PITPNM2: variants seen among roughly 807,000 people sequenced by gnomAD.
The protein encoded by PITPNM2 is membrane-associated phosphatidylinositol transfer protein 2.
A neutral mutation model predicts 132.2 loss-of-function variants in PITPNM2; 35 were observed. The ratio of observed to expected loss-of-function variants is 0.26; its 90% CI spans 0.20 to 0.35. The LOEUF (loss-of-function observed/expected upper bound fraction) is 0.35. PITPNM2 is among the 10% of genes least tolerant of loss of function. PITPNM2 has a pLI of 1.00. For synonymous variants in PITPNM2, 738 were observed against 799.2 expected, an observed-to-expected ratio of 0.92 and a Z score of 1.29; for missense variants, 1,332 against 1,912.0, an observed-to-expected ratio of 0.70 and a Z score of 5.66.
intron 1 of PITPNM2, among the ~76,000 whole-genome samples, chr12:123,114,255 CAAGT>C (rs1233003027): frequency 1.3e-5 from 2 of 151,940 alleles, no homozygotes; most frequent in South Asian, 2.1e-4. Context: ...TAATTTAAGA[CAAGT>C]AATGCATCTG....
At chr12:123,021,029 CAAAAAAAAAAAA>C (rs910751492) in intron 3 of PITPNM2, among the ~76,000 whole-genome samples, 50 of 25,308 alleles carry the variant, frequency 2.0e-3, no homozygotes, top group African/African-American at 3.9e-3. Context: ...AATTCCATCT[CAAAAAAAAAAAA>C]AAAAAAAAAA....
rs1314303054 is a variant in PITPNM2 at position 122,995,572 on chromosome 12, C to T, written c.1871G>A (p.Ser624Asn). The change falls in exon 14 of 26, where the codon AGT becomes AAT. Residue 624 changes from serine (S) to asparagine (N), a missense_variant. By Grantham distance (46) the Ser-to-Asn change is conservative. Coordinates refer to ENST00000320201, the MANE Select transcript of PITPNM2 (RefSeq NM_020845.3). ...GGGGGGGGGS[S>N]GGGGSSGGSS... ...GCCACCACTACTGCCACCACCACCACTGCTGCCACCACCGCCACCGCCGCC... is the reference window on the plus strand; with the variant it reads ...GCCACCACTACTGCCACCACCACCATTGCTGCCACCACCGCCACCGCCGCC... 2 of 1,607,304 alleles carry T rather than the reference C, an allele frequency of 1.2e-6. No homozygotes were observed. The highest frequency in any genetic ancestry group is 2.2e-5 in the South Asian group (2 of 91,054).
At chr12:123,003,594 G>T (rs1260557878) in intron 8 of PITPNM2, among the ~76,000 whole-genome samples, 1 of 152,218 alleles carries the variant, frequency 6.6e-6, no homozygotes, top group African/African-American at 2.4e-5. Context: ...AGGGCAGCTG[G>T]CCAGTTAACC....
chr12:123,085,238 G>A (rs1463743921), intron 2 of PITPNM2, among the ~76,000 whole-genome samples: 1 of 152,218 alleles, frequency 6.6e-6, no homozygotes, highest in African/African-American at 2.4e-5. Context: ...CGCCATCTGC[G>A]TGACCCAGAT....
chr12:123,151,159 A>AGCG (rs1048978238), upstream of PITPNM2, among the ~76,000 whole-genome samples: 672 of 143,386 alleles, frequency 4.7e-3, 1 homozygote, highest in Non-Finnish European at 6.2e-3. Flanking sequence ...CGCGCGGGGG[A>AGCG]GCGGCGGCGG....
chr12:123,050,974 G>T (rs1455601150), intron 2 of PITPNM2, among the ~76,000 whole-genome samples: 2 of 152,182 alleles, frequency 1.3e-5, no homozygotes, highest in Non-Finnish European at 2.9e-5. Flanking sequence ...GCTGCATTCA[G>T]TTGCACAGGC....
intron 11 of PITPNM2, 81 bp from the exon 12 acceptor site, chr12:122,996,991 GC>G (rs1273064470): frequency 2.7e-4 from 357 of 1,322,644 alleles, no homozygotes; most frequent in Non-Finnish European, 6.6e-5. Flanking sequence ...CTGAGTCTCA[GC>G]CATGGACTCA....
In PITPNM2 at chr12:123,095,992, G is replaced by T. The variant is rs528045609; in HGVS notation, c.-96+14393C>A. 4.6e-5 allele frequency among the ~76,000 whole-genome samples: 7 copies of T among 152,346 alleles called. No homozygotes were observed. The East Asian group carries it at 1.3e-3, about 29-fold the overall frequency. ...GATGGCCTGAGAGCTCCTTGAGAGT[G>T]GGGGCTGGAATTGATTCACTTCTGC... On this transcript the variant is annotated intron_variant, in intron 2 of 25. Transcript: ENST00000320201. This position sits in a 1 kb window ranked among gnomAD's most constrained non-coding sequence, Gnocchi z 5.0.
At chr12:123,087,503 C>A (rs981821036) in intron 2 of PITPNM2, 1 of 152,174 alleles carries the variant, frequency 6.6e-6, no homozygotes, top group African/African-American at 2.4e-5. Context: ...TCCCAAAGTG[C>A]TGGGATTATA....
intron 11 of PITPNM2, 33 bp downstream of exon 11, chr12:122,997,292 C>T (rs369378979): frequency 1.2e-5 from 19 of 1,610,518 alleles, no homozygotes; most frequent in South Asian, 4.4e-5. Flanking sequence ...AGTGCACTGC[C>T]GGAGGCTGCA....
At chr12:123,130,518 C>T (rs1457422950) in intron 1 of PITPNM2, among the ~76,000 whole-genome samples, 2 of 152,098 alleles carry the variant, frequency 1.3e-5, no homozygotes, top group African/African-American at 2.4e-5. Flanking sequence ...CCGGCAATCA[C>T]GCCTGTAATC....
At chr12:123,079,543 C>T (rs1004751779) in intron 2 of PITPNM2, among the ~76,000 whole-genome samples, 5 of 151,740 alleles carry the variant, frequency 3.3e-5, no homozygotes, top group Non-Finnish European at 7.4e-5. Flanking sequence ...GACAAGGTTT[C>T]GCCATGTTGG....
chr12:123,144,526 G>A (rs2043572586), intron 1 of PITPNM2, among the ~76,000 whole-genome samples: 1 of 152,174 alleles, frequency 6.6e-6, no homozygotes, highest in Admixed American at 6.5e-5. Context: ...CCACCTCCTG[G>A]GTTCAAGCAA....
In PITPNM2 at chr12:123,005,837, C is replaced by A. The variant is rs2038904353; in HGVS notation, c.644-289G>T. ...AGTTGGAAGGGCGCAGTGGCTCATG[C>A]CTGTAATCCCAACACTTTGGGAGGA... On this transcript the variant is annotated intron_variant, in intron 6 of 25. Coordinates refer to ENST00000320201, the MANE Select transcript of PITPNM2 (RefSeq NM_020845.3). This position sits in a 1 kb window ranked among gnomAD's most constrained non-coding sequence, Gnocchi z 6.2. 1 of 437,958 alleles carries A rather than the reference C, an allele frequency of 2.3e-6. No homozygotes were observed. Among genetic ancestry groups the A allele is most frequent in the East Asian group, 3.9e-5 (1 of 25,872 alleles). The allele number at this position is 437,958 out of a possible 1,614,324, so 27.1% of individuals were successfully genotyped here. A position where few individuals can be genotyped will look rare whatever the true frequency, so the allele number is the denominator to read the frequency against.
intron 2 of PITPNM2, among the ~76,000 whole-genome samples, chr12:123,069,810 A>T (rs2041569175): frequency 6.6e-6 from 1 of 152,184 alleles, no homozygotes; most frequent in Non-Finnish European, 1.5e-5. Context: ...TAGATAAAAG[A>T]TTTTAATTCC....
chr12:123,069,817 T>C (rs1301904196), intron 2 of PITPNM2, among the ~76,000 whole-genome samples: 2 of 152,204 alleles, frequency 1.3e-5, no homozygotes, highest in African/African-American at 2.4e-5. Flanking sequence ...AAGATTTTAA[T>C]TCCAAACTCT....
At position 123,031,341 on chromosome 12, in the gene PITPNM2, T is replaced by C. The variant is rs546234025; in HGVS notation, c.78+3172A>G. ...GGCAATATCTTGGAGCTCATTTTGT[T>C]GGAGCTCGGACTGGGGGCTGTGGAG... On this transcript the variant is annotated intron_variant, in intron 3 of 25. Coordinates refer to ENST00000320201, the MANE Select transcript of PITPNM2 (RefSeq NM_020845.3). This position sits in a 1 kb window ranked among gnomAD's most constrained non-coding sequence, Gnocchi z 4.5. Among the ~76,000 whole-genome samples the C allele has an allele frequency of 6.6e-6, 1 of 152,290 alleles. No homozygotes were observed. The highest frequency in any genetic ancestry group is 2.1e-4 in the South Asian group (1 of 4,820).
At position 123,023,510 on chromosome 12, in the gene PITPNM2, A is replaced by G. The variant is rs1019627694; in HGVS notation, c.79-9468T>C. On this transcript the variant is annotated intron_variant, in intron 3 of 25. Transcript: ENST00000320201. The surrounding 1 kb of genome is among the most constrained non-coding windows in gnomAD (Gnocchi z 4.8). ...GGACTGGAAGCAACATGTTTGGGCC[A>G]CAAGCTGGAGGGTTAGAGGTAGCTG... is the stretch of plus-strand genomic sequence containing the variant. 6.6e-6 allele frequency among the ~76,000 whole-genome samples: 1 copy of G among 152,182 alleles called. No homozygotes were observed. Among genetic ancestry groups the G allele is most frequent in the Non-Finnish European group, 1.5e-5 (1 of 68,032 alleles).
At chr12:123,026,366 C>A (rs1056701617) in intron 3 of PITPNM2, among the ~76,000 whole-genome samples, 1 of 152,238 alleles carries the variant, frequency 6.6e-6, no homozygotes, top group Non-Finnish European at 1.5e-5. Context: ...AGGGTCTACC[C>A]GTAGAACCTT....
Sources: gnomAD v4.1 joint callset for allele counts (sites outside exome capture counted in the v4.1 genomes callset) on GRCh38, gnomAD v4.1.1 for gene constraint, Gnocchi (gnomAD v3.1) non-coding constraint, MANE v1.5 for transcripts, NCBI Gene and HGNC (gene_info 2026-07-23, HGNC 2026-07-21) for gene names.